CATSPERD: variants seen among roughly 807,000 people sequenced by gnomAD.
CATSPERD encodes the protein cation channel sperm-associated auxiliary subunit delta.
Under a neutral mutation model 98.1 loss-of-function variants are expected in CATSPERD, and 86 were observed. That is an observed-to-expected ratio of 0.88 (90% CI 0.74 to 1.05). The LOEUF is 1.05. CATSPERD is among the 50% of genes least tolerant of loss of function. The pLI, the probability that CATSPERD is intolerant of heterozygous loss-of-function variation, is 0.00. For synonymous variants in CATSPERD, 394 were observed against 390.2 expected (o/e 1.01, Z -0.12); for missense variants, 995 against 1,005.7 (o/e 0.99, Z 0.14).
intron 14 of CATSPERD, 100 bp from the exon 15 acceptor site, chr19:5,758,986 C>T (rs1286806018): frequency 2.8e-6 from 3 of 1,079,410 alleles, no homozygotes; most frequent in East Asian, 2.4e-5. Flanking sequence ...GTTCGTCCCC[C>T]CATGTCCCCT....
rs2056772098 is a variant in CATSPERD, at chr19:5,778,480, T to C, written c.2201T>C (p.Leu734Pro). ...VVILLIISSI[L>P]GSVWLAYKTP... is the part of the protein sequence containing the mutation. ...ATCCTACTGATCATCTCCAGCATCC[T>C]GGGGTCCGTTTGGCTGGCCTACAAG... is the stretch of plus-strand genomic sequence containing the variant. The change falls in exon 22 of 22, where the codon CTG becomes CCG. Residue 734 changes from leucine (L) to proline (P), a missense_variant. Physicochemically the swap from Leu to Pro is moderately conservative, Grantham distance 98. Transcript: ENST00000381624. 1 of 1,613,952 alleles carries C rather than the reference T, an allele frequency of 6.2e-7. No homozygotes were observed. Among genetic ancestry groups the C allele is most frequent in the African/African-American group, 1.3e-5 (1 of 74,922 alleles).
At chr19:5,775,317 C>T in intron 20 of CATSPERD, 2 of 470,472 alleles carry the variant, frequency 4.3e-6, no homozygotes, top group Non-Finnish European at 8.8e-6. Context: ...CTCAAGCTTC[C>T]ACAGACCTGC....
intron 5 of CATSPERD, 42 bp from the exon 6 acceptor site, chr19:5,737,096 C>G (rs367931149): frequency 5.1e-6 from 7 of 1,359,364 alleles, no homozygotes; most frequent in Non-Finnish European, 7.3e-6. Flanking sequence ...CTCCAAACTT[C>G]AGGGAACTCA....
At chr19:5,767,843 C>T (rs2056571614) in intron 17 of CATSPERD, among the ~76,000 whole-genome samples, 2 of 151,932 alleles carry the variant, frequency 1.3e-5, no homozygotes, top group African/African-American at 4.8e-5. Context: ...GTCACCCAGG[C>T]AGGAGTGCAA....
At chr19:5,776,398 C>T in intron 21 of CATSPERD, 83 bp downstream of exon 21, 3 of 1,473,436 alleles carry the variant, frequency 2.0e-6, no homozygotes, top group Non-Finnish European at 2.8e-6. Flanking sequence ...ACATGCAGGT[C>T]CTGGCTAAAC....
chr19:5,750,374 C>T (rs554476041), intron 11 of CATSPERD, among the ~76,000 whole-genome samples: 197 of 138,228 alleles, frequency 1.4e-3, no homozygotes, highest in African/African-American at 5.1e-3. Flanking sequence ...TGGCGTGAAT[C>T]CAGGAGGCGG....
chr19:5,730,476 G>A (rs1237218224), intron 4 of CATSPERD, among the ~76,000 whole-genome samples: 1 of 151,978 alleles, frequency 6.6e-6, no homozygotes. Flanking sequence ...CCAGGAGGTG[G>A]AGGTTGTAGT....
At chr19:5,754,068 C>A (rs1449240972) in intron 12 of CATSPERD, 64 bp from the exon 13 acceptor site, 2 of 1,138,748 alleles carry the variant, frequency 1.8e-6, no homozygotes, top group Non-Finnish European at 1.3e-6. Flanking sequence ...TCCTTCCCAC[C>A]TCCTTGCCCT....
intron 16 of CATSPERD, among the ~76,000 whole-genome samples, chr19:5,763,776 G>C (rs1211547720): frequency 6.7e-6 from 1 of 150,090 alleles, no homozygotes; most frequent in Admixed American, 6.7e-5. Flanking sequence ...GTGAGCCACT[G>C]TGCCTGGGCC....
chr19:5,724,862 G>C lies in CATSPERD; in HGVS notation c.126G>C (p.Gly42=). The C allele has an allele frequency of 6.2e-7, 1 of 1,613,812 alleles. No individual in the cohort carries two copies. The highest frequency in any genetic ancestry group is 8.5e-7 in the Non-Finnish European group (1 of 1,179,750). ...KVFNLIQDVQ[G]DRLYFHPTTT... is the part of the protein sequence containing the mutation. The stretch of plus-strand genomic sequence containing the variant: ...TTAATCTGATACAGGACGTTCAAGG[G>C]GTATGTGGCTCCATGCTTAAATTCA... The change falls in exon 2 of 22, where the codon GGG becomes GGC. Residue 42 remains glycine, a splice_region_variant and synonymous_variant. Transcript: ENST00000381624.
At position 5,772,938 on chromosome 19, in the gene CATSPERD, C is replaced by CG; in HGVS notation, c.1920dup (p.Pro641AlafsTer68). 1 of 1,613,922 alleles carries CG rather than the reference C, an allele frequency of 6.2e-7. No individual in the cohort carries two copies. The highest frequency in any genetic ancestry group is 8.5e-7 in the Non-Finnish European group (1 of 1,179,952). On this transcript the variant is annotated frameshift_variant, in exon 20 of 22. Transcript: ENST00000381624. LOFTEE classifies it high-confidence loss of function. ...ACTGGACCACCATGATAAAGGAATT[C>CG]GGGGGGCCCTTCTTCTGGAACAGAG...
At chr19:5,770,919 A>G in intron 18 of CATSPERD, 25 bp from the exon 19 acceptor site, 1 of 1,587,230 alleles carries the variant, frequency 6.3e-7, no homozygotes, top group Non-Finnish European at 8.6e-7. Context: ...CAGACTCCCC[A>G]TCTCTGCTTC....
intron 15 of CATSPERD, among the ~76,000 whole-genome samples, chr19:5,761,291 G>A (rs975071890): frequency 7.2e-5 from 11 of 152,058 alleles, no homozygotes; most frequent in African/African-American, 1.9e-4. Context: ...TACTAGAGAC[G>A]GGGTTTCACC....
At chr19:5,760,395 T>A (rs1029414286) in intron 15 of CATSPERD, among the ~76,000 whole-genome samples, 2 of 88,726 alleles carry the variant, frequency 2.3e-5, no homozygotes, top group Admixed American at 2.7e-4. Context: ...CAAAACTCGT[T>A]CTCAAAAAAA....
chr19:5,729,857 T>C lies in CATSPERD; in HGVS notation c.204-15T>C. ...TGACATTATCCTAATTTAACTTATT[T>C]ATTGTTTATTTCAGGAAACAAGTTT... On this transcript the variant is annotated splice_polypyrimidine_tract_variant and intron_variant, in intron 3 of 21. Coordinates refer to ENST00000381624, the MANE Select transcript of CATSPERD (RefSeq NM_152784.4). 1 of 1,478,182 alleles carries C rather than the reference T, an allele frequency of 6.8e-7. No homozygotes were observed. The highest frequency in any genetic ancestry group is 9.4e-7 in the Non-Finnish European group (1 of 1,064,186). The allele number at this position is 1,478,182 out of a possible 1,614,324, so 91.6% of individuals were successfully genotyped here. A position where few individuals can be genotyped will look rare whatever the true frequency, so the allele number is the denominator to read the frequency against.
At chr19:5,744,391 T>C in intron 7 of CATSPERD, 36 bp from the exon 8 acceptor site, 1 of 1,533,556 alleles carries the variant, frequency 6.5e-7, no homozygotes, top group Non-Finnish European at 9.0e-7. Flanking sequence ...TGTATTAAGA[T>C]TTATTCATCT....
chr19:5,744,553 C>A, intron 8 of CATSPERD, 43 bp downstream of exon 8: 1 of 1,410,898 alleles, frequency 7.1e-7, no homozygotes, highest in South Asian at 1.3e-5. Flanking sequence ...GGACCTTTGC[C>A]CAAGCCCAGG....
chr19:5,732,557 C>T (rs556395312), intron 4 of CATSPERD, among the ~76,000 whole-genome samples: 192 of 151,852 alleles, frequency 1.3e-3, no homozygotes, highest in African/African-American at 4.0e-3. Context: ...CTCAGCCTCC[C>T]GAGTAGCTGG....
At chr19:5,727,195 CAAAAA>C in intron 2 of CATSPERD, 68 bp from the exon 3 acceptor site, 1 of 1,013,980 alleles carries the variant, frequency 9.9e-7, no homozygotes, top group East Asian at 3.0e-5. Context: ...ACTCTTGTCT[CAAAAA>C]AAAAAATTAT....
Sources: gnomAD v4.1 joint callset for allele counts (sites outside exome capture counted in the v4.1 genomes callset) on GRCh38, gnomAD v4.1.1 for gene constraint, MANE v1.5 for transcripts, NCBI Gene and HGNC (gene_info 2026-07-23, HGNC 2026-07-21) for gene names.